The following NLGN4X variants were observed in gnomAD, a reference collection of about 807,000 sequenced individuals.
NLGN4X encodes the protein neuroligin-4, X-linked.
In NLGN4X, 3 loss-of-function variants were observed where a neutral mutation model predicts 40.3. The observed-to-expected ratio is 0.07, with a 90% confidence interval of 0.03 to 0.19. The LOEUF is 0.19. Among genes scored for constraint, NLGN4X ranks in the 10% least tolerant of loss-of-function variants. The pLI, the probability that NLGN4X is intolerant of heterozygous loss-of-function variation, is 1.00. For missense variants in NLGN4X, 382 were observed against 708.3 expected (o/e 0.54, Z 5.23); for synonymous variants, 270 against 306.8 (o/e 0.88, Z 1.25).
rs762582828 is a variant in NLGN4X at position 5,962,702 on chromosome X, AAG to A, written c.626-53465_626-53464del. 1.8e-4 allele frequency among the ~76,000 whole-genome samples: 20 copies of A among 111,725 alleles called. No homozygotes were observed. In the South Asian group the frequency reaches 6.9e-3, roughly 38 times the overall value. Reference sequence around the variant, plus strand: ...GATGGTATTAGGAGGTGGCATCTTTAAGAGGTTGTTAGATCATGAGGATGGAG... The same window carrying A: ...GATGGTATTAGGAGGTGGCATCTTTAAGGTTGTTAGATCATGAGGATGGAG... On this transcript the variant is annotated intron_variant, in intron 3 of 5. Coordinates refer to ENST00000381095, the MANE Select transcript of NLGN4X (RefSeq NM_181332.3).
In NLGN4X at chrX:5,913,434, A is replaced by G. The variant is rs559754884; in HGVS notation, c.626-4195T>C. ...TCAAGGTGAATGAAGAGAACAAGCT[A>G]CTTGATTGTCTAAAACCAGAGATTT... On this transcript the variant is annotated intron_variant, in intron 3 of 5. Coordinates refer to ENST00000381095, the MANE Select transcript of NLGN4X (RefSeq NM_181332.3). Among the ~76,000 whole-genome samples, 43 of 111,549 alleles carry G rather than the reference A, an allele frequency of 3.9e-4. No homozygotes were observed. In the South Asian group the frequency reaches 0.016, roughly 41 times the overall value.
At chrX:6,116,235 G>A (rs1275584740) in intron 2 of NLGN4X, among the ~76,000 whole-genome samples, 29 of 80,236 alleles carry the variant, frequency 3.6e-4, no homozygotes, top group African/African-American at 1.3e-3. Context: ...AGAGTTTGCA[G>A]TGAGCCAAGA....
chrX:6,104,053 G>A (rs1320022208), intron 2 of NLGN4X, among the ~76,000 whole-genome samples: 2 of 111,595 alleles, frequency 1.8e-5, no homozygotes, highest in Admixed American at 1.9e-4. Flanking sequence ...GCACATATAG[G>A]TACACATAAA....
chrX:6,139,309 T>C (rs1378651510), intron 2 of NLGN4X, among the ~76,000 whole-genome samples: 1 of 112,121 alleles, frequency 8.9e-6, no homozygotes, highest in African/African-American at 3.2e-5. Context: ...AAAGAAAAGA[T>C]AGGCATTAGA....
At position 5,988,343 on chromosome X, in the gene NLGN4X, C is replaced by T. The variant is rs753402226; in HGVS notation, c.625+40937G>A. 1.1e-4 allele frequency among the ~76,000 whole-genome samples: 12 copies of T among 112,040 alleles called. No individual in the cohort carries two copies. The East Asian group carries it at 3.4e-3, about 32-fold the overall frequency. Reference sequence around the variant, plus strand: ...GCGTGTGCAATAATTTATTAGGACCCTCTAAGTGTCTACACCAATTGCTAC... The same window carrying T: ...GCGTGTGCAATAATTTATTAGGACCTTCTAAGTGTCTACACCAATTGCTAC... On this transcript the variant is annotated intron_variant, in intron 3 of 5. Transcript: ENST00000381095.
In NLGN4X at chrX:6,207,350, T is replaced by A. The variant is rs759570952; in HGVS notation, c.-306+21191A>T. On this transcript the variant is annotated intron_variant, in intron 1 of 5. Transcript: ENST00000381095. ...GTGCAATAATGTATAATAAGTTAAC[T>A]TTTCCTTTTCTCCTATAATTGGCTG... Among the ~76,000 whole-genome samples the A allele has an allele frequency of 7.5e-4, 84 of 112,323 alleles. 1 individual carries two copies. Among genetic ancestry groups the A allele is most frequent in the Non-Finnish European group, 6.0e-4 (32 of 53,306 alleles).
intron 3 of NLGN4X, among the ~76,000 whole-genome samples, chrX:5,920,167 G>A (rs1393549445): frequency 2.7e-5 from 3 of 112,122 alleles, no homozygotes; most frequent in Admixed American, 9.5e-5. Context: ...AAAGAATTAC[G>A]AGTTGCGAAG....
rs1420859163 is a variant in NLGN4X at position 6,071,867 on chromosome X, TTTGACTTGCCAATGTGATCC to T, written c.473-42455_473-42436del. 1.7e-4 allele frequency among the ~76,000 whole-genome samples: 19 copies of T among 110,715 alleles called. 1 individual carries two copies. The highest frequency in any genetic ancestry group is 3.6e-4 in the Non-Finnish European group (19 of 52,912). ...GGGAGTCTTTCCTGTAGCCCAAGGA[TTTGACTTGCCAATGTGATCC>T]TTCCACCGTAAATTCAGTGCCATGG... On this transcript the variant is annotated intron_variant, in intron 2 of 5. Coordinates refer to ENST00000381095, the MANE Select transcript of NLGN4X (RefSeq NM_181332.3).
intron 3 of NLGN4X, among the ~76,000 whole-genome samples, chrX:5,916,945 C>T (rs1051903816): frequency 1.8e-5 from 2 of 112,251 alleles, no homozygotes; most frequent in Non-Finnish European, 3.8e-5. Context: ...GAAACAAATT[C>T]ATTACTGGGA....
At position 5,978,264 on chromosome X, in the gene NLGN4X, GTCTCTTTTTTTCTT is replaced by G. The variant is rs746111168; in HGVS notation, c.625+51002_625+51015del. ...TCCAACTGGAATTAAAAAGACAGGCGTCTCTTTTTTTCTTTCTTTCTTTCTTTCTTTCTTTCTTT... is the reference window on the plus strand; with the variant it reads ...TCCAACTGGAATTAAAAAGACAGGCGTCTTTCTTTCTTTCTTTCTTTCTTT... On this transcript the variant is annotated intron_variant, in intron 3 of 5. Coordinates refer to ENST00000381095, the MANE Select transcript of NLGN4X (RefSeq NM_181332.3). Among the ~76,000 whole-genome samples, 156 of 107,849 alleles carry G rather than the reference GTCTCTTTTTTTCTT, an allele frequency of 1.4e-3. 1 individual carries two copies. Among genetic ancestry groups the G allele is most frequent in the African/African-American group, 5.2e-3 (153 of 29,329 alleles). 93.7% of individuals were successfully genotyped at this position (107,849 alleles called of 115,157 possible).
intron 5 of NLGN4X, among the ~76,000 whole-genome samples, chrX:5,899,965 C>T (rs1453261452): frequency 1.8e-5 from 2 of 111,914 alleles, no homozygotes; most frequent in African/African-American, 3.2e-5. Flanking sequence ...GTCGGTAATA[C>T]GTTTGGATGC....
At chrX:6,106,627 T>C (rs2039038969) in intron 2 of NLGN4X, among the ~76,000 whole-genome samples, 1 of 112,199 alleles carries the variant, frequency 8.9e-6, no homozygotes, top group South Asian at 3.7e-4. Context: ...GTTGGAATCA[T>C]ACTGTATGTA....
chrX:5,925,875 T>C (rs1048780547), intron 3 of NLGN4X, among the ~76,000 whole-genome samples: 17 of 14,659 alleles, frequency 1.2e-3, no homozygotes, highest in Non-Finnish European at 1.7e-3. Flanking sequence ...TATATATACA[T>C]ACACACATAT....
Position 6,151,571 on chromosome X carries a change from T to G in NLGN4X, c.-105A>C, listed in dbSNP as rs955232026. 1.5e-6 allele frequency: 1 copy of G among 663,333 alleles called. No homozygotes were observed. Among genetic ancestry groups the G allele is most frequent in the Admixed American group, 2.6e-5 (1 of 38,692 alleles). The allele number at this position is 663,333 out of a possible 1,213,427, so 54.7% of individuals were successfully genotyped here. A position where few individuals can be genotyped will look rare whatever the true frequency, so the allele number is the denominator to read the frequency against. ...AGAGATAGGGCTTTCCAGGGAGCAG[T>G]AGACCTGGGAGAGACTCTCAGACTG... On this transcript the variant is annotated 5_prime_UTR_variant, in exon 2 of 6. Transcript: ENST00000381095.
chrX:6,055,798 G>T (rs1197610854), intron 2 of NLGN4X, among the ~76,000 whole-genome samples: 1 of 111,499 alleles, frequency 9.0e-6, no homozygotes, highest in African/African-American at 3.3e-5. Context: ...TTTGATAAAT[G>T]ATTTAATTAA....
chrX:5,974,385 G>A (rs754594015), intron 3 of NLGN4X, among the ~76,000 whole-genome samples: 2 of 111,988 alleles, frequency 1.8e-5, no homozygotes, highest in African/African-American at 6.5e-5. Context: ...GGAGTTAGAG[G>A]ACTGAGGAGA....
At chrX:6,199,464 C>T (rs993793610) in intron 1 of NLGN4X, among the ~76,000 whole-genome samples, 2 of 111,176 alleles carry the variant, frequency 1.8e-5, no homozygotes, top group East Asian at 5.6e-4. Context: ...CCAAATCATC[C>T]CACAATTCTG....
At chrX:6,121,179 C>T (rs201352547) in intron 2 of NLGN4X, among the ~76,000 whole-genome samples, 5 of 89,377 alleles carry the variant, frequency 5.6e-5, no homozygotes, top group African/African-American at 1.2e-4. Context: ...CACACACACA[C>T]ATATATATCG....
At chrX:6,016,482 G>T (rs2036398333) in intron 3 of NLGN4X, among the ~76,000 whole-genome samples, 1 of 112,103 alleles carries the variant, frequency 8.9e-6, no homozygotes, top group Non-Finnish European at 1.9e-5. Context: ...TGTGAGTGAG[G>T]ATGTGGAGAA....
Sources: allele counts gnomAD v4.1 joint callset (sites outside exome capture counted in the v4.1 genomes callset), GRCh38; gene constraint gnomAD v4.1.1; transcripts MANE v1.5; gene names NCBI Gene and HGNC (gene_info 2026-07-23, HGNC 2026-07-21).